DPP10: variants seen among roughly 807,000 people sequenced by gnomAD.
DPP10 encodes inactive dipeptidyl peptidase 10.
In DPP10, 33 loss-of-function variants were observed where a neutral mutation model predicts 120.9. The observed-to-expected ratio is 0.27, with a 90% CI of 0.21 to 0.37. The LOEUF (loss-of-function observed/expected upper bound fraction) is 0.37, where lower values mean the gene tolerates loss of function less well. Ranked by LOEUF, DPP10 falls within the 10% of genes least tolerant of loss-of-function variation. The probability of loss-of-function intolerance (pLI) is 1.00; values close to 1 mark genes in which losing one functional copy is unlikely to be tolerated. For missense variants in DPP10, 816 were observed against 942.8 expected (o/e 0.87, Z 1.76); for synonymous variants, 337 against 326.1 (o/e 1.03, Z -0.36).
chr2:115,688,489 A>C (rs996490821), intron 5 of DPP10, among the ~76,000 whole-genome samples: 9 of 152,310 alleles, frequency 5.9e-5, no homozygotes, highest in East Asian at 1.9e-4. Flanking sequence ...AAGCTTTTAC[A>C]ATTGCATACT....
intron 7 of DPP10, among the ~76,000 whole-genome samples, chr2:115,697,857 C>T (rs530653376): frequency 5.5e-4 from 84 of 152,096 alleles, no homozygotes; most frequent in African/African-American, 1.9e-3. Context: ...TGGTGGCGGG[C>T]GCCTGTAGTC....
chr2:115,055,899 G>A (rs1407250028), intron 1 of DPP10, among the ~76,000 whole-genome samples: 2 of 152,014 alleles, frequency 1.3e-5, no homozygotes, highest in Non-Finnish European at 2.9e-5. Flanking sequence ...CCAAAAATGT[G>A]TCATATTGGA....
chr2:115,004,602 G>A (rs1370542450), intron 1 of DPP10, among the ~76,000 whole-genome samples: 1 of 152,224 alleles, frequency 6.6e-6, no homozygotes, highest in Non-Finnish European at 1.5e-5. Context: ...AAAGAAAGGG[G>A]TGATGGACGG....
chr2:114,721,984 A>C (rs1236345031), intron 1 of DPP10, among the ~76,000 whole-genome samples: 2 of 152,196 alleles, frequency 1.3e-5, no homozygotes, highest in African/African-American at 4.8e-5. Flanking sequence ...AGTTGAGAAA[A>C]TAAAATAAGA....
At position 115,665,054 on chromosome 2, in the gene DPP10, T is replaced by G. The variant is rs192069124; in HGVS notation, c.442-24633T>G. On this transcript the variant is annotated intron_variant, in intron 5 of 25. Transcript: ENST00000410059. ...TAAGAGTCCTGACCTAGCACTTACT[T>G]AAATGCTAATTTGTATTTTTAACTT... Among the ~76,000 whole-genome samples the G allele has an allele frequency of 2.6e-5, 4 of 152,332 alleles. No homozygotes were observed. In the East Asian group the frequency reaches 7.7e-4, roughly 29 times the overall value.
intron 7 of DPP10, among the ~76,000 whole-genome samples, chr2:115,726,993 G>A (rs903462165): frequency 6.6e-6 from 1 of 151,536 alleles, no homozygotes; most frequent in Non-Finnish European, 1.5e-5. Context: ...TTCTCTGGAA[G>A]ATTATAGTAC....
intron 1 of DPP10, among the ~76,000 whole-genome samples, chr2:114,580,826 T>C (rs924238654): frequency 6.6e-6 from 1 of 150,514 alleles, no homozygotes; most frequent in African/African-American, 2.4e-5. Context: ...AGGCAAACAC[T>C]CTTTGTCAAA....
chr2:115,568,541 G>A (rs189629647), intron 5 of DPP10, among the ~76,000 whole-genome samples: 4 of 115,538 alleles, frequency 3.5e-5, no homozygotes, highest in South Asian at 3.5e-4. Context: ...TTATAATTGC[G>A]ATGAGGTTGA....
chr2:115,434,590 G>T, intron 3 of DPP10, among the ~76,000 whole-genome samples: 1 of 146,750 alleles, frequency 6.8e-6, no homozygotes, highest in Non-Finnish European at 1.5e-5. Flanking sequence ...GGAGGTACGT[G>T]TGATAGTTTG....
At chr2:115,693,772 C>T (rs1045181355) in intron 7 of DPP10, among the ~76,000 whole-genome samples, 5 of 152,112 alleles carry the variant, frequency 3.3e-5, no homozygotes, top group African/African-American at 9.7e-5. Flanking sequence ...GGTTCTACTG[C>T]TTACTAGCTG....
intron 1 of DPP10, among the ~76,000 whole-genome samples, chr2:114,652,006 G>A (rs376431980): frequency 3.4e-4 from 51 of 152,122 alleles, no homozygotes; most frequent in African/African-American, 8.5e-4. Flanking sequence ...ATTCCTATCC[G>A]TGAACCCCAC....
At chr2:114,570,480 T>C (rs1190851257) in intron 1 of DPP10, among the ~76,000 whole-genome samples, 1 of 152,052 alleles carries the variant, frequency 6.6e-6, no homozygotes, top group East Asian at 1.9e-4. Flanking sequence ...GCTTTGGCAA[T>C]GTGTCCACAG....
At chr2:115,386,659 C>G (rs1029919428) in intron 3 of DPP10, among the ~76,000 whole-genome samples, 2 of 152,126 alleles carry the variant, frequency 1.3e-5, no homozygotes. Context: ...AGATTAGCTT[C>G]TATCCTTCCT....
chr2:115,451,876 G>A (rs2073134508), intron 3 of DPP10, among the ~76,000 whole-genome samples: 1 of 139,284 alleles, frequency 7.2e-6, no homozygotes, highest in African/African-American at 2.5e-5. Flanking sequence ...AAGAATGTGT[G>A]TATGTGTTTG....
intron 12 of DPP10, among the ~76,000 whole-genome samples, chr2:115,766,835 G>A (rs148076450): frequency 6.6e-6 from 1 of 152,152 alleles, no homozygotes; most frequent in East Asian, 1.9e-4. Context: ...AAACAACCAG[G>A]TCTTGTAATA....
chr2:114,576,763 T>A (rs1434584206), intron 1 of DPP10, among the ~76,000 whole-genome samples: 17 of 152,280 alleles, frequency 1.1e-4, no homozygotes, highest in Non-Finnish European at 1.5e-5. Context: ...CAGCATCTGC[T>A]CTGCAAGACA....
chr2:115,207,448 C>CAAAAAAAAAAAAAAAAAAAAAA (rs1574011539), intron 1 of DPP10, among the ~76,000 whole-genome samples: 1 of 87,930 alleles, frequency 1.1e-5, no homozygotes, highest in African/African-American at 4.8e-5. Flanking sequence ...AAAAAAAAAG[C>CAAAAAAAAAAAAAAAAAAAAAA]TTTCTCCTGG....
intron 2 of DPP10, 28 bp from the exon 3 acceptor site, chr2:115,343,789 A>G (rs1372423768): frequency 1.3e-6 from 2 of 1,551,042 alleles, no homozygotes; most frequent in Non-Finnish European, 1.8e-6. Context: ...TAAGATAGGC[A>G]TCTAACCTAG....
chr2:115,026,994 C>A (rs1234965227), intron 1 of DPP10, among the ~76,000 whole-genome samples: 1 of 152,060 alleles, frequency 6.6e-6, no homozygotes, highest in African/African-American at 2.4e-5. Flanking sequence ...TCTTCAATTT[C>A]TTTTATCAAT....
Sources: gnomAD v4.1 joint callset for allele counts (sites outside exome capture counted in the v4.1 genomes callset) on GRCh38, gnomAD v4.1.1 for gene constraint, MANE v1.5 for transcripts, NCBI Gene and HGNC (gene_info 2026-07-23, HGNC 2026-07-21) for gene names.